DLG2: variants seen among roughly 807,000 people sequenced by gnomAD.
DLG2 encodes the protein discs large MAGUK scaffold protein 2, also known as disks large homolog 2.
Under a neutral mutation model 132.5 loss-of-function variants are expected in DLG2, and 45 were observed. The ratio of observed to expected loss-of-function variants is 0.34; its 90% CI spans 0.27 to 0.44. DLG2 has a LOEUF of 0.44. Ranked by LOEUF, DLG2 falls within the 20% of genes least tolerant of loss-of-function variation. The pLI is 1.00. For missense variants in DLG2, 1,045 were observed against 1,196.9 expected, an observed-to-expected ratio of 0.87 and a Z score of 1.87; for synonymous variants, 424 against 419.6, an observed-to-expected ratio of 1.01 and a Z score of -0.13.
At chr11:83,968,893 T>C (rs953513733) in intron 12 of DLG2, among the ~76,000 whole-genome samples, 1 of 152,192 alleles carries the variant, frequency 6.6e-6, no homozygotes, top group South Asian at 2.1e-4. Flanking sequence ...AATAGACTCA[T>C]GCAGAGAGGG....
At chr11:85,592,477 G>C (rs2079423394) in intron 3 of DLG2, among the ~76,000 whole-genome samples, 1 of 152,140 alleles carries the variant, frequency 6.6e-6, no homozygotes, top group Admixed American at 6.5e-5. Flanking sequence ...CCTAGGAAAT[G>C]CCTCTCTCAC....
intron 6 of DLG2, among the ~76,000 whole-genome samples, chr11:84,613,256 A>C (rs2099598481): frequency 6.6e-6 from 1 of 152,178 alleles, no homozygotes; most frequent in South Asian, 2.1e-4. Context: ...ATACCATGAG[A>C]TAGTTTAAAA....
intron 6 of DLG2, among the ~76,000 whole-genome samples, chr11:84,579,146 T>C (rs1304010406): frequency 1.3e-5 from 2 of 151,834 alleles, no homozygotes; most frequent in East Asian, 1.9e-4. Context: ...TATATCTTTA[T>C]CAGCAGCATG....
chr11:84,872,864 G>A (rs576113840), intron 6 of DLG2, among the ~76,000 whole-genome samples: 31 of 152,280 alleles, frequency 2.0e-4, no homozygotes, highest in South Asian at 8.3e-4. Context: ...AAGCAACTGC[G>A]ATACATACAT....
At chr11:85,025,181 C>T (rs888069929) in intron 6 of DLG2, among the ~76,000 whole-genome samples, 11 of 152,182 alleles carry the variant, frequency 7.2e-5, no homozygotes, top group South Asian at 4.1e-4. Flanking sequence ...TACATACACT[C>T]ATCATACCAT....
intron 19 of DLG2, among the ~76,000 whole-genome samples, chr11:83,620,512 A>G (rs1834645276): frequency 6.6e-6 from 1 of 152,168 alleles, no homozygotes; most frequent in African/African-American, 2.4e-5. Flanking sequence ...AGAAAATGGC[A>G]TAAAAGATGA....
intron 7 of DLG2, among the ~76,000 whole-genome samples, chr11:84,421,842 T>C (rs2098951896): frequency 6.6e-6 from 1 of 152,202 alleles, no homozygotes; most frequent in South Asian, 2.1e-4. Context: ...CTTTGCTCTT[T>C]TTCTCTGCTC....
intron 7 of DLG2, among the ~76,000 whole-genome samples, chr11:84,422,980 T>C (rs1398462721): frequency 1.3e-5 from 2 of 152,162 alleles, no homozygotes; most frequent in Non-Finnish European, 2.9e-5. Context: ...AAAGTAGTAA[T>C]GGAAGTTGAA....
chr11:84,075,921 T>C (rs1394061263), intron 10 of DLG2, among the ~76,000 whole-genome samples: 1 of 152,172 alleles, frequency 6.6e-6, no homozygotes, highest in Admixed American at 6.5e-5. Flanking sequence ...TGAACTGGTA[T>C]TTGCAAATGG....
intron 16 of DLG2, among the ~76,000 whole-genome samples, chr11:83,848,119 C>G (rs1448937171): frequency 7.4e-6 from 1 of 134,684 alleles, no homozygotes; most frequent in East Asian, 2.0e-4. Flanking sequence ...ACTAGTCCCC[C>G]ACACCTTTTT....
chr11:84,720,801 G>T (rs1300438302), intron 6 of DLG2: 1 of 152,360 alleles, frequency 6.6e-6, no homozygotes, highest in Non-Finnish European at 1.5e-5. Context: ...ACACAAGATT[G>T]TCATGCGAGC....
At chr11:84,797,590 T>C (rs1313998573) in intron 6 of DLG2, among the ~76,000 whole-genome samples, 1 of 152,202 alleles carries the variant, frequency 6.6e-6, no homozygotes, top group Admixed American at 6.5e-5. Flanking sequence ...TTATTCAGTC[T>C]CTGTTAAGTT....
intron 8 of DLG2, among the ~76,000 whole-genome samples, chr11:84,197,629 A>T (rs1210701824): frequency 6.6e-6 from 1 of 152,220 alleles, no homozygotes; most frequent in East Asian, 1.9e-4. Context: ...TGGACTTAAA[A>T]ATGATGTTTG....
At chr11:85,414,571 C>T (rs1017803266) in intron 3 of DLG2, among the ~76,000 whole-genome samples, 18 of 151,838 alleles carry the variant, frequency 1.2e-4, no homozygotes, top group African/African-American at 2.9e-4. Context: ...GTATATTCTG[C>T]GGTTTTTGGA....
At chr11:85,149,973 C>T (rs1489277583) in intron 5 of DLG2, among the ~76,000 whole-genome samples, 2 of 150,584 alleles carry the variant, frequency 1.3e-5, no homozygotes, top group Non-Finnish European at 3.0e-5. Flanking sequence ...TCAAACTTGG[C>T]CCTCTGGGAA....
Position 83,484,136 on chromosome 11 carries a change from A to T in DLG2, c.2286T>A (p.Asp762Glu). Residue 762 changes from aspartate to glutamate, a missense_variant, in exon 22 of 28, where the codon GAT (aspartate) becomes GAA (glutamate). By Grantham distance (45) the Asp-to-Glu change is conservative (BLOSUM62 2). This residue lies in a region of DLG2 where 398 missense variants were observed against 543.6 expected (regional missense o/e 0.73). Coordinates refer to ENST00000376104, the MANE Select transcript of DLG2 (RefSeq NM_001142699.3). ...NKEQSEQETSDPERGQEDLIL... is the reference protein window; with the variant it reads ...NKEQSEQETSEPERGQEDLIL... ...CTTTCAGAATCTACTTACGTTCAGG[A>T]TCACTGGTTTCCTGCTCACTCTGCT... The T allele has an allele frequency of 1.2e-6, 2 of 1,612,654 alleles. No homozygotes were observed. The highest frequency in any genetic ancestry group is 1.7e-6 in the Non-Finnish European group (2 of 1,178,996).
intron 6 of DLG2, chr11:84,640,477 C>A: frequency 2.2e-6 from 1 of 464,080 alleles, no homozygotes; most frequent in Non-Finnish European, 3.7e-6. Context: ...ATTCAGCAAG[C>A]CACAACAGTT....
At chr11:85,591,258 CTT>C (rs766617620) in intron 3 of DLG2, among the ~76,000 whole-genome samples, 4 of 152,178 alleles carry the variant, frequency 2.6e-5, no homozygotes, top group Non-Finnish European at 5.9e-5. Context: ...GCTCACCACT[CTT>C]GTTTCTCAAC....
chr11:84,861,349 C>T (rs1384453511), intron 6 of DLG2, among the ~76,000 whole-genome samples: 1 of 152,028 alleles, frequency 6.6e-6, no homozygotes, highest in Non-Finnish European at 1.5e-5. Flanking sequence ...TGGCTAGATT[C>T]AGATCCAACC....
Sources: allele counts gnomAD v4.1 joint callset (sites outside exome capture counted in the v4.1 genomes callset), GRCh38; gene constraint gnomAD v4.1.1; regional missense constraint gnomAD v4.1.1; transcripts MANE v1.5; gene names NCBI Gene and HGNC (gene_info 2026-07-23, HGNC 2026-07-21).